The following CD96 variants were observed in gnomAD, a reference collection of about 807,000 sequenced individuals.
The protein encoded by CD96 is T-cell surface protein tactile.
In CD96, 70 loss-of-function variants were observed where a neutral mutation model predicts 71.3. That is an observed-to-expected ratio of 0.98 (90% CI 0.81 to 1.20). The LOEUF (loss-of-function observed/expected upper bound fraction) is 1.20. Among genes scored for constraint, CD96 ranks in the 50% most tolerant of loss-of-function variants. CD96 has a pLI of 0.00. For synonymous variants in CD96, 248 were observed against 233.0 expected (o/e 1.06, Z -0.59); for missense variants, 742 against 677.5 (o/e 1.10, Z -1.06).
intron 10 of CD96, among the ~76,000 whole-genome samples, chr3:111,625,401 T>C (rs1390381267): frequency 6.6e-6 from 1 of 152,054 alleles, no homozygotes; most frequent in Non-Finnish European, 1.5e-5. Context: ...TAGACACCCA[T>C]GAACCCAGTA....
At chr3:111,577,202 C>T (rs762321554) in intron 3 of CD96, among the ~76,000 whole-genome samples, 45 of 152,182 alleles carry the variant, frequency 3.0e-4, no homozygotes, top group Admixed American at 2.0e-4. Flanking sequence ...CTTTTTCCCA[C>T]AACAAAGTGA....
At chr3:111,558,298 A>G (rs1935186324) in intron 2 of CD96, among the ~76,000 whole-genome samples, 1 of 116,086 alleles carries the variant, frequency 8.6e-6, no homozygotes, top group Non-Finnish European at 1.8e-5. Context: ...TTTCAAAGGG[A>G]ATGCTTCCAG....
At chr3:111,562,539 T>C (rs1935504364) in intron 2 of CD96, among the ~76,000 whole-genome samples, 1 of 152,246 alleles carries the variant, frequency 6.6e-6, no homozygotes, top group South Asian at 2.1e-4. Context: ...TCTTCTCGAT[T>C]TTTATACTAA....
At chr3:111,569,312 G>T (rs1432505642) in intron 3 of CD96, among the ~76,000 whole-genome samples, 1 of 152,166 alleles carries the variant, frequency 6.6e-6, no homozygotes, top group South Asian at 2.1e-4. Flanking sequence ...CCAAATGGTT[G>T]TAAAACCTAC....
rs1040867157 is a variant in CD96, at chr3:111,650,742, C to T, written c.*936C>T. 1 of 152,228 alleles carries T rather than the reference C, an allele frequency of 6.6e-6. No homozygotes were observed. The highest frequency in any genetic ancestry group is 1.5e-5 in the Non-Finnish European group (1 of 68,058). 9.4% of individuals were successfully genotyped at this position (152,228 alleles called of 1,614,324 possible). On this transcript the variant is annotated 3_prime_UTR_variant, in exon 14 of 14. Transcript: ENST00000352690. ...CCAGCACTGATTAATTAACCCTGCTCCTACCAATCTTTTTTAAAGCAGTTG... is the reference window on the plus strand; with the variant it reads ...CCAGCACTGATTAATTAACCCTGCTTCTACCAATCTTTTTTAAAGCAGTTG...
chr3:111,631,650 A>C (rs1212218091), intron 10 of CD96, among the ~76,000 whole-genome samples: 4 of 151,978 alleles, frequency 2.6e-5, no homozygotes, highest in Admixed American at 6.6e-5. Flanking sequence ...AAACTATTTT[A>C]AAAGAGCCCA....
At chr3:111,549,162 C>G (rs1408484226) in intron 2 of CD96, among the ~76,000 whole-genome samples, 1 of 152,028 alleles carries the variant, frequency 6.6e-6, no homozygotes, top group East Asian at 1.9e-4. Flanking sequence ...CCCCTCCCCT[C>G]TCTTCCCCTC....
At chr3:111,601,525 T>C (rs1428188926) in intron 7 of CD96, among the ~76,000 whole-genome samples, 1 of 152,180 alleles carries the variant, frequency 6.6e-6, no homozygotes, top group Non-Finnish European at 1.5e-5. Context: ...CTGAACCAGA[T>C]GGAATAATGG....
intron 5 of CD96, chr3:111,594,781 GC>G (rs1937177263): frequency 6.0e-6 from 1 of 167,296 alleles, no homozygotes; most frequent in South Asian, 2.1e-4. Flanking sequence ...AGATGCTGGT[GC>G]AGGAGACAAT....
chr3:111,610,062 G>T (rs747746760), intron 8 of CD96, among the ~76,000 whole-genome samples: 6 of 152,176 alleles, frequency 3.9e-5, no homozygotes, highest in Non-Finnish European at 8.8e-5. Flanking sequence ...TTAGATCAAG[G>T]CTTAGGTGTA....
intron 9 of CD96, among the ~76,000 whole-genome samples, 196 bp downstream of exon 9, chr3:111,624,018 CTGG>C (rs1938630134): frequency 1.3e-5 from 2 of 152,072 alleles, no homozygotes; most frequent in African/African-American, 2.4e-5. Context: ...AAAATAAGGG[CTGG>C]TGATTTATTA....
chr3:111,554,277 G>C (rs575737495), intron 2 of CD96, among the ~76,000 whole-genome samples: 106 of 151,948 alleles, frequency 7.0e-4, no homozygotes, highest in African/African-American at 2.5e-3. Flanking sequence ...TGTCCAATAA[G>C]TTTTTACCCC....
intron 2 of CD96, among the ~76,000 whole-genome samples, chr3:111,561,870 G>T (rs1238683848): frequency 6.6e-6 from 1 of 151,056 alleles, no homozygotes; most frequent in African/African-American, 2.4e-5. Flanking sequence ...GATTCCGTGG[G>T]CGTAGGACCC....
chr3:111,593,915 G>A (rs1366159481), intron 5 of CD96: 2 of 1,613,766 alleles, frequency 1.2e-6, no homozygotes, highest in Non-Finnish European at 1.7e-6. Context: ...CCACAGTGCA[G>A]TGGTGCCCAC....
intron 3 of CD96, chr3:111,570,539 G>T: frequency 8.4e-7 from 1 of 1,189,914 alleles, no homozygotes. Context: ...TGTGTTAACT[G>T]ACAGTGGCCT....
intron 12 of CD96, among the ~76,000 whole-genome samples, chr3:111,645,807 G>A (rs1400564359): frequency 6.6e-6 from 1 of 152,086 alleles, no homozygotes; most frequent in African/African-American, 2.4e-5. Flanking sequence ...CTTTGACAGG[G>A]GTGAGAATCA....
At chr3:111,570,831 A>C (rs1197416232) in intron 3 of CD96, 1 of 1,612,856 alleles carries the variant, frequency 6.2e-7, no homozygotes, top group Admixed American at 1.7e-5. Context: ...GGGGGACCCC[A>C]GGCTTGTGGC....
At position 111,585,316 on chromosome 3, in the gene CD96, C is replaced by T. The variant is rs1335554846; in HGVS notation, c.752-7C>T. The T allele has an allele frequency of 6.2e-7, 1 of 1,603,822 alleles. No individual in the cohort carries two copies. Among genetic ancestry groups the T allele is most frequent in the Non-Finnish European group, 8.5e-7 (1 of 1,170,992 alleles). ...GTGCCACTAACTATGTTTTATTTGC[C>T]TTTAAGCTAAACCAGAAATCCCTGT... is the stretch of plus-strand genomic sequence containing the variant. On this transcript the variant is annotated splice_region_variant and splice_polypyrimidine_tract_variant and intron_variant, in intron 4 of 13. Transcript: ENST00000352690.
intron 1 of CD96, among the ~76,000 whole-genome samples, chr3:111,543,917 A>G (rs1934244515): frequency 6.6e-6 from 1 of 152,194 alleles, no homozygotes. Flanking sequence ...ACCTCAAACG[A>G]CATATAAGCA....
Sources: gnomAD v4.1 joint callset for allele counts (sites outside exome capture counted in the v4.1 genomes callset) on GRCh38, gnomAD v4.1.1 for gene constraint, MANE v1.5 for transcripts, NCBI Gene and HGNC (gene_info 2026-07-23, HGNC 2026-07-21) for gene names.